The following AGBL4 variants were observed in gnomAD, a reference collection of about 807,000 sequenced individuals.
AGBL4 encodes cytosolic carboxypeptidase 6.
A neutral mutation model predicts 66.4 loss-of-function variants in AGBL4; 58 were observed. The ratio of observed to expected loss-of-function variants is 0.87; its 90% confidence interval spans 0.71 to 1.09. AGBL4 has a LOEUF of 1.09. Among genes scored for constraint, AGBL4 ranks in the 50% least tolerant of loss-of-function variants. The probability of loss-of-function intolerance (pLI) is 0.00; values close to 1 mark genes in which losing one functional copy is unlikely to be tolerated. For synonymous variants in AGBL4, 234 were observed against 222.9 expected, an observed-to-expected ratio of 1.05 and a Z score of -0.44; for missense variants, 579 against 631.0, an observed-to-expected ratio of 0.92 and a Z score of 0.88.
At chr1:48,779,365 C>A (rs1296461875) in intron 6 of AGBL4, among the ~76,000 whole-genome samples, 1 of 152,194 alleles carries the variant, frequency 6.6e-6, no homozygotes, top group East Asian at 1.9e-4. Context: ...AGCTTTTGTG[C>A]TTTTTCTGCC....
intron 3 of AGBL4, among the ~76,000 whole-genome samples, chr1:49,552,989 C>T (rs1653089554): frequency 6.6e-6 from 1 of 152,116 alleles, no homozygotes; most frequent in African/African-American, 2.4e-5. Context: ...ATTAATATGA[C>T]CTCAATCCTT....
intron 6 of AGBL4, among the ~76,000 whole-genome samples, chr1:48,769,962 A>G (rs1014623892): frequency 1.1e-4 from 16 of 152,206 alleles, no homozygotes; most frequent in African/African-American, 3.6e-4. Flanking sequence ...GAAATGATCT[A>G]GAAGTCATCT....
chr1:49,622,196 G>GTA (rs1280739196), intron 3 of AGBL4, among the ~76,000 whole-genome samples: 3 of 152,124 alleles, frequency 2.0e-5, no homozygotes, highest in Admixed American at 6.5e-5. Flanking sequence ...ACTCCACAGT[G>GTA]TAGCCAGACT....
intron 5 of AGBL4, among the ~76,000 whole-genome samples, chr1:48,993,012 G>A (rs1660729419): frequency 6.6e-6 from 1 of 152,042 alleles, no homozygotes; most frequent in Admixed American, 6.5e-5. Context: ...GCAAAACAAA[G>A]TCTCCTTTAC....
rs1320695632 is a variant in AGBL4 at position 49,261,041 on chromosome 1, A to G, written c.283-15177T>C. 3.8e-3 allele frequency among the ~76,000 whole-genome samples: 577 copies of G among 152,020 alleles called. 1 individual carries two copies. The highest frequency in any genetic ancestry group is 5.1e-3 in the Non-Finnish European group (349 of 68,012). Reference sequence around the variant, plus strand: ...ATAAATGTAATCCAGCATATAAACAAAACCAAAGACAAAAACCACATGATT... The same window carrying G: ...ATAAATGTAATCCAGCATATAAACAGAACCAAAGACAAAAACCACATGATT... On this transcript the variant is annotated intron_variant, in intron 3 of 13. Transcript: ENST00000371839.
chr1:48,678,603 G>A (rs540384907), intron 6 of AGBL4, among the ~76,000 whole-genome samples: 1 of 152,278 alleles, frequency 6.6e-6, no homozygotes, highest in African/African-American at 2.4e-5. Flanking sequence ...TGTGAATGTT[G>A]AAGTGGATGG....
At chr1:49,819,268 A>G (rs529149805) in intron 2 of AGBL4, among the ~76,000 whole-genome samples, 13 of 152,300 alleles carry the variant, frequency 8.5e-5, no homozygotes, top group South Asian at 4.1e-4. Flanking sequence ...TTTTCCAAAA[A>G]GGTATTTTTA....
intron 8 of AGBL4, among the ~76,000 whole-genome samples, chr1:48,638,283 C>G (rs553969715): frequency 1.3e-5 from 2 of 152,196 alleles, no homozygotes; most frequent in Non-Finnish European, 2.9e-5. Flanking sequence ...ACTGTGGGGA[C>G]CAGCAGCTTT....
chr1:49,809,604 T>C (rs1645054082), intron 2 of AGBL4, among the ~76,000 whole-genome samples: 1 of 152,196 alleles, frequency 6.6e-6, no homozygotes, highest in Admixed American at 6.5e-5. Context: ...ATTATATCTA[T>C]AGCTAATAAT....
intron 3 of AGBL4, among the ~76,000 whole-genome samples, chr1:49,520,809 CTTTTT>C (rs780615627): frequency 7.2e-6 from 1 of 139,154 alleles, no homozygotes; most frequent in African/African-American, 2.6e-5. Flanking sequence ...AGATCACTCA[CTTTTT>C]TTTTTTTTTT....
intron 5 of AGBL4, among the ~76,000 whole-genome samples, chr1:49,007,980 A>AC: frequency 6.6e-6 from 1 of 152,194 alleles, no homozygotes; most frequent in South Asian, 2.1e-4. Context: ...TAACGAGCAA[A>AC]ATAACCAGCT....
chr1:49,919,299 C>T (rs1399756211), intron 1 of AGBL4, among the ~76,000 whole-genome samples: 1 of 152,196 alleles, frequency 6.6e-6, no homozygotes, highest in African/African-American at 2.4e-5. Context: ...CACATTGGCC[C>T]TGTTTGCAGA....
chr1:49,419,432 C>G (rs1340099613), intron 3 of AGBL4, among the ~76,000 whole-genome samples: 1 of 152,178 alleles, frequency 6.6e-6, no homozygotes, highest in Non-Finnish European at 1.5e-5. Context: ...AAATGTGATA[C>G]ATATGGAATG....
intron 3 of AGBL4, among the ~76,000 whole-genome samples, chr1:49,593,457 A>G (rs950870420): frequency 8.5e-5 from 13 of 152,164 alleles, no homozygotes; most frequent in African/African-American, 2.9e-4. Flanking sequence ...GAAAACAACT[A>G]TAACTATACA....
At chr1:49,263,478 T>TAATCAGAC (rs1653430856) in intron 3 of AGBL4, among the ~76,000 whole-genome samples, 1 of 152,006 alleles carries the variant, frequency 6.6e-6, no homozygotes. Context: ...GCCAAGCATA[T>TAATCAGAC]AATCAGACAA....
At chr1:49,928,321 G>C (rs538135355) in intron 1 of AGBL4, among the ~76,000 whole-genome samples, 3 of 152,106 alleles carry the variant, frequency 2.0e-5, no homozygotes, top group Admixed American at 6.5e-5. Context: ...CAGGATCTCA[G>C]CTCACTGCAA....
chr1:48,750,191 T>C (rs766397400), intron 6 of AGBL4, among the ~76,000 whole-genome samples: 14 of 152,146 alleles, frequency 9.2e-5, no homozygotes, highest in Middle Eastern at 3.4e-3. Context: ...CAGAGGAAAA[T>C]AGCAACTCAG....
chr1:49,151,341 G>A (rs1646329322), intron 4 of AGBL4, among the ~76,000 whole-genome samples: 1 of 150,520 alleles, frequency 6.6e-6, no homozygotes, highest in Non-Finnish European at 1.5e-5. Context: ...CAAAACCTAG[G>A]AGATTCAGGG....
chr1:49,835,241 G>A (rs1183612213), intron 2 of AGBL4, among the ~76,000 whole-genome samples: 2 of 152,124 alleles, frequency 1.3e-5, no homozygotes, highest in Non-Finnish European at 2.9e-5. Flanking sequence ...CTTGCTTCAT[G>A]AATCTGGGTG....
Sources: gnomAD v4.1 joint callset for allele counts (sites outside exome capture counted in the v4.1 genomes callset) on GRCh38, gnomAD v4.1.1 for gene constraint, MANE v1.5 for transcripts, NCBI Gene and HGNC (gene_info 2026-07-23, HGNC 2026-07-21) for gene names.